The following CNTN5 variants were observed in gnomAD, a reference collection of about 807,000 sequenced individuals.
The protein encoded by CNTN5 is contactin-5.
Under a neutral mutation model 129.1 loss-of-function variants are expected in CNTN5, and 77 were observed. The observed-to-expected ratio is 0.60, with a 90% CI of 0.50 to 0.72. The LOEUF is 0.72. Ranked by LOEUF, CNTN5 falls within the 30% of genes least tolerant of loss-of-function variation. The pLI, the probability that CNTN5 is intolerant of heterozygous loss-of-function variation, is 0.00. For synonymous variants in CNTN5, 509 were observed against 465.6 expected (o/e 1.09, Z -1.20); for missense variants, 1,478 against 1,328.8 (o/e 1.11, Z -1.75).
At chr11:100,006,351 G>T (rs988945410) in intron 9 of CNTN5, among the ~76,000 whole-genome samples, 1 of 152,076 alleles carries the variant, frequency 6.6e-6, no homozygotes, top group Non-Finnish European at 1.5e-5. Flanking sequence ...TGTAGCTTAT[G>T]ATGCTGTTAG....
chr11:99,220,714 C>G lies in CNTN5; in HGVS notation c.-209-104632C>G, dbSNP rs75054897. Among the ~76,000 whole-genome samples, 590 of 151,986 alleles carry G rather than the reference C, an allele frequency of 3.9e-3. 1 individual carries two copies. The highest frequency in any genetic ancestry group is 0.013 in the African/African-American group (544 of 41,522). On this transcript the variant is annotated intron_variant, in intron 1 of 24. Coordinates refer to ENST00000524871, the MANE Select transcript of CNTN5 (RefSeq NM_014361.4). ...TTTTGGATTTTGAAGTGGCACAAAT[C>G]AAAAGGTCTGACTAGGAGGGCCAGA...
chr11:100,042,291 C>T (rs1942427795), intron 9 of CNTN5, among the ~76,000 whole-genome samples: 1 of 149,152 alleles, frequency 6.7e-6, no homozygotes, highest in Admixed American at 6.7e-5. Context: ...AATAGCTTTT[C>T]TTATGATAGC....
At chr11:99,203,280 A>C (rs769719955) in intron 1 of CNTN5, among the ~76,000 whole-genome samples, 1 of 152,160 alleles carries the variant, frequency 6.6e-6, no homozygotes, top group South Asian at 2.1e-4. Context: ...CTTAAAAGCC[A>C]TTCTACACAG....
chr11:100,255,695 T>C, intron 16 of CNTN5, 65 bp from the exon 17 acceptor site: 1 of 1,414,384 alleles, frequency 7.1e-7, no homozygotes, highest in Non-Finnish European at 9.8e-7. Flanking sequence ...ATATTGGAAA[T>C]ATAATTTCTC....
chr11:99,515,040 T>C (rs1946994602), intron 2 of CNTN5, among the ~76,000 whole-genome samples: 1 of 152,010 alleles, frequency 6.6e-6, no homozygotes, highest in Non-Finnish European at 1.5e-5. Flanking sequence ...GCTTCAGGCA[T>C]AAAATGTATA....
chr11:99,462,025 A>T (rs1433860487), intron 2 of CNTN5, among the ~76,000 whole-genome samples: 3 of 152,202 alleles, frequency 2.0e-5, no homozygotes, highest in African/African-American at 4.8e-5. Flanking sequence ...TGAGTACTGG[A>T]ATAGTGGCTA....
intron 1 of CNTN5, among the ~76,000 whole-genome samples, chr11:99,192,185 G>GA (rs540544791): frequency 7.4e-5 from 11 of 149,568 alleles, no homozygotes; most frequent in South Asian, 2.1e-4. Context: ...AATCTGAATT[G>GA]AAAAAAAAAT....
intron 21 of CNTN5, among the ~76,000 whole-genome samples, chr11:100,317,951 G>T (rs1359849931): frequency 6.6e-6 from 1 of 152,002 alleles, no homozygotes; most frequent in African/African-American, 2.4e-5. Context: ...ATATTTAGAA[G>T]TATTTCTCGG....
At chr11:100,194,038 A>T (rs892611472) in intron 15 of CNTN5, among the ~76,000 whole-genome samples, 1 of 152,024 alleles carries the variant, frequency 6.6e-6, no homozygotes, top group African/African-American at 2.4e-5. Flanking sequence ...CTTCTCCTCA[A>T]GAACAGTAAT....
intron 1 of CNTN5, among the ~76,000 whole-genome samples, chr11:99,140,138 T>A (rs563163417): frequency 2.0e-5 from 3 of 152,318 alleles, no homozygotes; most frequent in Non-Finnish European, 4.4e-5. Flanking sequence ...AAAATACATA[T>A]AGAATTTAAT....
chr11:99,957,251 G>T (rs1006911007), intron 8 of CNTN5, among the ~76,000 whole-genome samples: 1 of 152,098 alleles, frequency 6.6e-6, no homozygotes, highest in Non-Finnish European at 1.5e-5. Context: ...ATGCCAGAAA[G>T]GGAGAAAGAA....
At chr11:99,495,847 G>C (rs931706093) in intron 2 of CNTN5, among the ~76,000 whole-genome samples, 6 of 152,156 alleles carry the variant, frequency 3.9e-5, no homozygotes, top group African/African-American at 1.4e-4. Flanking sequence ...AGACTTGAAA[G>C]ATAGAAGATA....
At chr11:99,819,438 C>T in intron 3 of CNTN5, 106 bp from the exon 4 acceptor site, 1 of 909,352 alleles carries the variant, frequency 1.1e-6, no homozygotes. Context: ...TTGCTTGCAG[C>T]TCCAAAGAAG....
chr11:99,578,450 G>T (rs2135599771), intron 3 of CNTN5, among the ~76,000 whole-genome samples: 1 of 148,060 alleles, frequency 6.8e-6, no homozygotes, highest in South Asian at 2.2e-4. Context: ...CACCAACAGT[G>T]TAAAAGTGTT....
chr11:99,487,037 G>T (rs1945846189), intron 2 of CNTN5, among the ~76,000 whole-genome samples: 1 of 152,176 alleles, frequency 6.6e-6, no homozygotes, highest in Non-Finnish European at 1.5e-5. Flanking sequence ...CAACAACATG[G>T]TTGGCCATAT....
At chr11:99,740,039 A>G (rs1216550300) in intron 3 of CNTN5, among the ~76,000 whole-genome samples, 1 of 143,106 alleles carries the variant, frequency 7.0e-6, no homozygotes, top group Admixed American at 7.6e-5. Flanking sequence ...TCAAAACATT[A>G]TCAAATACTA....
intron 3 of CNTN5, among the ~76,000 whole-genome samples, chr11:99,805,606 C>G (rs1048615757): frequency 1.3e-5 from 2 of 152,098 alleles, no homozygotes; most frequent in African/African-American, 2.4e-5. Context: ...AGTGTGCTTT[C>G]ATAAACCATG....
intron 2 of CNTN5, among the ~76,000 whole-genome samples, chr11:99,442,834 C>A (rs929205042): frequency 3.4e-4 from 52 of 152,182 alleles, no homozygotes; most frequent in Non-Finnish European, 4.4e-4. Flanking sequence ...CGAAGTGATA[C>A]AAAACATGAC....
intron 16 of CNTN5, among the ~76,000 whole-genome samples, chr11:100,227,426 C>T (rs1261184092): frequency 6.6e-6 from 1 of 152,124 alleles, no homozygotes; most frequent in Admixed American, 6.6e-5. Context: ...TTCCCTGATA[C>T]TCTCCCCATT....
Sources: allele counts gnomAD v4.1 joint callset (sites outside exome capture counted in the v4.1 genomes callset), GRCh38; gene constraint gnomAD v4.1.1; transcripts MANE v1.5; gene names NCBI Gene and HGNC (gene_info 2026-07-23, HGNC 2026-07-21).